FAM118B: variants seen among roughly 807,000 people sequenced by gnomAD.
FAM118B encodes SIR2 antiphage like 1, also known as protein FAM118B.
In FAM118B, 24 loss-of-function variants were observed where a neutral mutation model predicts 38.5. That is an observed-to-expected ratio of 0.62 (90% CI 0.45 to 0.88). The LOEUF (loss-of-function observed/expected upper bound fraction) is 0.88. Ranked by LOEUF, FAM118B falls within the 40% of genes least tolerant of loss-of-function variation. The pLI, the probability that FAM118B is intolerant of heterozygous loss-of-function variation, is 0.00. For missense variants in FAM118B, 334 were observed against 420.0 expected, an observed-to-expected ratio of 0.80 and a Z score of 1.79; for synonymous variants, 138 against 156.3, an observed-to-expected ratio of 0.88 and a Z score of 0.87.
rs79123802 is a variant in FAM118B, at chr11:126,255,180, T to G, written c.696+747T>G. 0.03 allele frequency among the ~76,000 whole-genome samples: 4,614 copies of G among 152,308 alleles called. 238 individuals carry two copies. Among genetic ancestry groups the G allele is most frequent in the African/African-American group, 0.1 (4,229 of 41,560 alleles). The stretch of plus-strand genomic sequence containing the variant: ...ATTAACCACATTTATTCACACTTAC[T>G]CTTTGTGAAAAGCTTATTGATCTTT... On this transcript the variant is annotated intron_variant, in intron 6 of 8. Coordinates refer to ENST00000533050, the MANE Select transcript of FAM118B (RefSeq NM_024556.4). This position sits in a 1 kb window ranked among gnomAD's most constrained non-coding sequence, Gnocchi z 4.6.
intron 1 of FAM118B, among the ~76,000 whole-genome samples, chr11:126,217,375 A>G (rs1226345001): frequency 2.6e-5 from 4 of 151,998 alleles, no homozygotes; most frequent in Non-Finnish European, 5.9e-5. Context: ...ATCCCCTAAT[A>G]TAGTTCTATT....
chr11:126,258,808 A>G (rs1950623663), intron 7 of FAM118B, among the ~76,000 whole-genome samples: 1 of 152,256 alleles, frequency 6.6e-6, no homozygotes, highest in African/African-American at 2.4e-5. Context: ...ATCCGTCTGC[A>G]TAACTGTTTC....
intron 7 of FAM118B, chr11:126,260,834 T>C (rs1397635361): frequency 1.3e-5 from 2 of 152,348 alleles, no homozygotes; most frequent in Non-Finnish European, 2.9e-5. Flanking sequence ...CCAAGTGTTA[T>C]CCAGTAGAAT....
At chr11:126,262,099 C>G (rs867961710) in intron 8 of FAM118B, 21 bp from the exon 9 acceptor site, 1 of 1,613,814 alleles carries the variant, frequency 6.2e-7, no homozygotes. Context: ...TCATTTTGTT[C>G]TCTTTTCTTT....
At chr11:126,241,672 C>A (rs1009884322) in intron 4 of FAM118B, among the ~76,000 whole-genome samples, 2 of 152,148 alleles carry the variant, frequency 1.3e-5, no homozygotes, top group Non-Finnish European at 2.9e-5. Flanking sequence ...GTCTCAGCCT[C>A]CTGAGTAGGT....
intron 1 of FAM118B, among the ~76,000 whole-genome samples, chr11:126,214,052 A>G (rs1037694774): frequency 1.3e-5 from 2 of 152,202 alleles, no homozygotes; most frequent in African/African-American, 2.4e-5. Context: ...TGTTCTCAGT[A>G]TAAAGAATTT....
intron 2 of FAM118B, chr11:126,233,799 T>C (rs1950237562): frequency 8.9e-6 from 4 of 449,616 alleles, no homozygotes; most frequent in Non-Finnish European, 1.8e-5. Flanking sequence ...AAGGCTTTTT[T>C]GGGCTGGGTG....
intron 6 of FAM118B, 78 bp downstream of exon 6, chr11:126,254,511 G>C: frequency 1.3e-6 from 2 of 1,557,568 alleles, no homozygotes; most frequent in South Asian, 2.3e-5. Context: ...ATCTTAAAGG[G>C]GAACATCTTC....
rs971200931 is a variant in FAM118B, at chr11:126,250,155, G to A, written c.340-351G>A. On this transcript the variant is annotated intron_variant, in intron 4 of 8. Transcript: ENST00000533050. The surrounding 1 kb of genome is among the most constrained non-coding windows in gnomAD (Gnocchi z 5.1). ...CGCCCAGGCTGGAGTGCAGTGACGC[G>A]ATCTCGGCTCACTGCAAGCTCCGCC... 2.7e-5 allele frequency among the ~76,000 whole-genome samples: 4 copies of A among 149,774 alleles called. No homozygotes were observed. The highest frequency in any genetic ancestry group is 4.4e-5 in the Non-Finnish European group (3 of 67,794).
intron 2 of FAM118B, among the ~76,000 whole-genome samples, chr11:126,230,489 A>G (rs978082829): frequency 1.3e-5 from 2 of 152,242 alleles, no homozygotes; most frequent in African/African-American, 4.8e-5. Flanking sequence ...GAAATAAACC[A>G]TTCTTTATTC....
intron 5 of FAM118B, 33 bp from the exon 6 acceptor site, chr11:126,254,272 C>A (rs200326359): frequency 1.9e-6 from 3 of 1,606,302 alleles, no homozygotes; most frequent in Non-Finnish European, 2.6e-6. Flanking sequence ...CTCAGCCCTG[C>A]CAAGCTGGTT....
At chr11:126,213,657 G>T (rs191170216) in intron 1 of FAM118B, among the ~76,000 whole-genome samples, 1 of 152,202 alleles carries the variant, frequency 6.6e-6, no homozygotes, top group African/African-American at 2.4e-5. Flanking sequence ...TTATGGTTTT[G>T]TGTCGGGGAT....
intron 1 of FAM118B, among the ~76,000 whole-genome samples, chr11:126,219,667 G>C (rs948071341): frequency 6.6e-6 from 1 of 152,014 alleles, no homozygotes; most frequent in African/African-American, 2.4e-5. Context: ...CCAGAACTTA[G>C]TACTTCGCAG....
chr11:126,215,878 G>A (rs1949972058), intron 1 of FAM118B, among the ~76,000 whole-genome samples: 1 of 151,956 alleles, frequency 6.6e-6, no homozygotes, highest in East Asian at 1.9e-4. Flanking sequence ...GCATGGTGAC[G>A]CACCTATGGT....
intron 1 of FAM118B, among the ~76,000 whole-genome samples, chr11:126,219,966 AT>A (rs1337503136): frequency 6.6e-6 from 1 of 151,600 alleles, no homozygotes; most frequent in African/African-American, 2.4e-5. Context: ...ATGTATGGAG[AT>A]TTATGGTGTG....
intron 7 of FAM118B, among the ~76,000 whole-genome samples, chr11:126,257,091 G>A (rs542508670): frequency 6.6e-6 from 1 of 152,322 alleles, no homozygotes; most frequent in Admixed American, 6.5e-5. Flanking sequence ...GAAAACAGAT[G>A]TTCAGCCTCA....
At chr11:126,220,897 G>T (rs890192681) in intron 1 of FAM118B, among the ~76,000 whole-genome samples, 36 of 151,622 alleles carry the variant, frequency 2.4e-4, no homozygotes, top group African/African-American at 8.0e-4. Flanking sequence ...AGATCAAAGA[G>T]AATAGTAGGC....
At position 126,228,759 on chromosome 11, in the gene FAM118B, C is replaced by A. The variant is rs1175004498; in HGVS notation, c.-76-466C>A. On this transcript the variant is annotated intron_variant, in intron 1 of 8. Transcript: ENST00000533050. ...TATTTTTAGTAGAGATGGGGTTTCA[C>A]CATCTTGGCCAGGCTGGCCTTGAAC... Among the ~76,000 whole-genome samples, 8 of 152,076 alleles carry A rather than the reference C, an allele frequency of 5.3e-5. No individual in the cohort carries two copies. In the South Asian group the frequency reaches 1.7e-3, roughly 32 times the overall value.
chr11:126,231,795 C>T (rs1407254755), intron 2 of FAM118B, among the ~76,000 whole-genome samples: 1 of 152,170 alleles, frequency 6.6e-6, no homozygotes, highest in Non-Finnish European at 1.5e-5. Flanking sequence ...CAAAAACGAT[C>T]TTACGTAATT....
Sources: gnomAD v4.1 joint callset for allele counts (sites outside exome capture counted in the v4.1 genomes callset) on GRCh38, gnomAD v4.1.1 for gene constraint, Gnocchi (gnomAD v3.1) non-coding constraint, MANE v1.5 for transcripts, NCBI Gene and HGNC (gene_info 2026-07-23, HGNC 2026-07-21) for gene names.